SOX6: variants seen among roughly 807,000 people sequenced by gnomAD.
SOX6 encodes SRY-box transcription factor 6, also known as transcription factor SOX-6.
In SOX6, 11 loss-of-function variants were observed where a neutral mutation model predicts 97.8. The observed-to-expected ratio is 0.11, with a 90% CI of 0.07 to 0.19. SOX6 has a LOEUF of 0.19. Among genes scored for constraint, SOX6 ranks in the 10% least tolerant of loss-of-function variants. SOX6 has a pLI of 1.00. For missense variants in SOX6, 810 were observed against 1,039.5 expected (o/e 0.78, Z 3.04); for synonymous variants, 360 against 371.4 (o/e 0.97, Z 0.35).
intron 3 of SOX6, among the ~76,000 whole-genome samples, chr11:16,249,077 G>A (rs541382739): frequency 3.3e-4 from 49 of 148,684 alleles, no homozygotes; most frequent in Middle Eastern, 3.4e-3. Context: ...CTCCAGCTTC[G>A]GCAACAGAGG....
chr11:16,703,076 A>C (rs1301641007), intron 3 of SOX6, among the ~76,000 whole-genome samples: 1 of 151,890 alleles, frequency 6.6e-6, no homozygotes, highest in African/African-American at 2.4e-5. Context: ...AACTTACTAC[A>C]GCATTTAAAA....
intron 3 of SOX6, among the ~76,000 whole-genome samples, chr11:16,236,336 G>A (rs954287332): frequency 6.6e-6 from 1 of 152,040 alleles, no homozygotes; most frequent in South Asian, 2.1e-4. Flanking sequence ...TTATGCTAAA[G>A]TCATAAAAAT....
Position 16,071,457 on chromosome 11 carries a change from G to C in SOX6, c.1102-15556C>G, listed in dbSNP as rs182819238. Among the ~76,000 whole-genome samples, 6 of 152,292 alleles carry C rather than the reference G, an allele frequency of 3.9e-5. No homozygotes were observed. In the East Asian group the frequency reaches 1.2e-3, roughly 30 times the overall value. ...TACTCAACCCCACCTCTTGTAGCCA[G>C]GTGAGCAACACATGTTATAACTTCC... On this transcript the variant is annotated intron_variant, in intron 9 of 15. Coordinates refer to ENST00000683767, the MANE Select transcript of SOX6 (RefSeq NM_001367873.1).
At chr11:16,541,507 A>C (rs1861408089) in intron 4 of SOX6, among the ~76,000 whole-genome samples, 1 of 152,258 alleles carries the variant, frequency 6.6e-6, no homozygotes. Context: ...AGCAAAAGAA[A>C]CTATCATCAG....
intron 5 of SOX6, among the ~76,000 whole-genome samples, chr11:16,185,059 G>T (rs538546501): frequency 6.6e-6 from 1 of 152,100 alleles, no homozygotes; most frequent in South Asian, 2.1e-4. Context: ...TAATGTTTTA[G>T]CCTATGCAGG....
chr11:16,101,185 G>T (rs1294612009), intron 7 of SOX6, among the ~76,000 whole-genome samples: 1 of 151,556 alleles, frequency 6.6e-6, no homozygotes, highest in Non-Finnish European at 1.5e-5. Flanking sequence ...CATGGATCTT[G>T]CCTGGATGCA....
At chr11:16,540,083 A>G (rs560991346) in intron 4 of SOX6, among the ~76,000 whole-genome samples, 1 of 152,118 alleles carries the variant, frequency 6.6e-6, no homozygotes, top group Admixed American at 6.6e-5. Flanking sequence ...AAAATACTGG[A>G]AAACCGAATC....
At chr11:16,257,175 G>T (rs1853719550) in intron 3 of SOX6, among the ~76,000 whole-genome samples, 2 of 151,768 alleles carry the variant, frequency 1.3e-5, no homozygotes, top group South Asian at 4.1e-4. Flanking sequence ...AATCAAAATT[G>T]CAGCAAATTG....
In SOX6 at chr11:16,292,638, A is replaced by G. The variant is rs1476844870; in HGVS notation, c.445+25808T>C. Reference sequence around the variant, plus strand: ...TGTCAGAAGAAAGAAATAAAACTCAACATATGTCCAAGCCTGCGGTGCTGG... The same window carrying G: ...TGTCAGAAGAAAGAAATAAAACTCAGCATATGTCCAAGCCTGCGGTGCTGG... On this transcript the variant is annotated intron_variant, in intron 3 of 15. Coordinates refer to ENST00000683767, the MANE Select transcript of SOX6 (RefSeq NM_001367873.1). 5.9e-5 allele frequency among the ~76,000 whole-genome samples: 9 copies of G among 152,252 alleles called. No individual in the cohort carries two copies. In the East Asian group the frequency reaches 1.7e-3, roughly 29 times the overall value.
intron 3 of SOX6, among the ~76,000 whole-genome samples, chr11:16,648,413 A>C (rs1233575984): frequency 6.6e-6 from 1 of 151,546 alleles, no homozygotes; most frequent in African/African-American, 2.4e-5. Context: ...TTCCCTACCC[A>C]CCCTGGTAGC....
At chr11:16,223,216 G>C (rs1168265294) in intron 4 of SOX6, among the ~76,000 whole-genome samples, 1 of 152,058 alleles carries the variant, frequency 6.6e-6, no homozygotes, top group Non-Finnish European at 1.5e-5. Flanking sequence ...GAGATGCTGG[G>C]CTAAAAGTCT....
At chr11:16,040,651 T>C (rs1417633801) in intron 12 of SOX6, among the ~76,000 whole-genome samples, 2 of 152,052 alleles carry the variant, frequency 1.3e-5, no homozygotes, top group African/African-American at 2.4e-5. Context: ...CTTCATTAAA[T>C]TGATGTTTGA....
At chr11:16,413,661 C>A (rs1858868867) in intron 1 of SOX6, among the ~76,000 whole-genome samples, 1 of 151,604 alleles carries the variant, frequency 6.6e-6, no homozygotes, top group Non-Finnish European at 1.5e-5. Flanking sequence ...GCTGGGATTA[C>A]AGGCACCTGC....
At chr11:16,496,189 A>G (rs1465801373) in intron 4 of SOX6, among the ~76,000 whole-genome samples, 2 of 152,216 alleles carry the variant, frequency 1.3e-5, no homozygotes, top group African/African-American at 2.4e-5. Flanking sequence ...AGGAAATATG[A>G]CAGGTCCAAT....
At chr11:16,672,219 A>G (rs1475861670) in intron 3 of SOX6, among the ~76,000 whole-genome samples, 2 of 152,244 alleles carry the variant, frequency 1.3e-5, no homozygotes, top group Non-Finnish European at 2.9e-5. Context: ...GACCAGTGAC[A>G]CTATAAAGCA....
chr11:16,522,930 A>T (rs1209416274), intron 4 of SOX6, among the ~76,000 whole-genome samples: 1 of 152,232 alleles, frequency 6.6e-6, no homozygotes, highest in East Asian at 1.9e-4. Context: ...AGAAGAGCTA[A>T]CTATCCTAAA....
chr11:16,584,567 C>G (rs1848071705), intron 4 of SOX6, among the ~76,000 whole-genome samples: 1 of 152,146 alleles, frequency 6.6e-6, no homozygotes, highest in Non-Finnish European at 1.5e-5. Flanking sequence ...ACTAGGAAAA[C>G]AGTATGGAAT....
intron 3 of SOX6, among the ~76,000 whole-genome samples, chr11:16,636,140 A>C (rs1848784682): frequency 6.6e-6 from 1 of 151,962 alleles, no homozygotes; most frequent in Admixed American, 6.6e-5. Flanking sequence ...CTTGCACCAT[A>C]CTCCTAGAAA....
intron 2 of SOX6, among the ~76,000 whole-genome samples, chr11:16,735,369 C>G (rs1047082190): frequency 2.0e-5 from 3 of 152,178 alleles, no homozygotes; most frequent in Non-Finnish European, 4.4e-5. Context: ...AGCTCAAAAA[C>G]TTTTGGGAAA....
Sources: gnomAD v4.1 joint callset for allele counts (sites outside exome capture counted in the v4.1 genomes callset) on GRCh38, gnomAD v4.1.1 for gene constraint, MANE v1.5 for transcripts, NCBI Gene and HGNC (gene_info 2026-07-23, HGNC 2026-07-21) for gene names.